Variants in USP32 observed in about 807,000 individuals in gnomAD.
USP32 encodes the protein ubiquitin carboxyl-terminal hydrolase 32.
A neutral mutation model predicts 204.8 loss-of-function variants in USP32; 59 were observed. The observed-to-expected ratio is 0.29, with a 90% confidence interval of 0.23 to 0.36. USP32 has a LOEUF of 0.36. Among genes scored for constraint, USP32 ranks in the 10% least tolerant of loss-of-function variants. The pLI, the probability that USP32 is intolerant of heterozygous loss-of-function variation, is 1.00. For synonymous variants in USP32, 517 were observed against 678.4 expected, an observed-to-expected ratio of 0.76 and a Z score of 3.70; for missense variants, 1,160 against 1,946.4, an observed-to-expected ratio of 0.60 and a Z score of 7.60.
intron 13 of USP32, 100 bp from the exon 14 acceptor site, chr17:60,223,686 T>G: frequency 2.9e-6 from 3 of 1,021,910 alleles, no homozygotes; most frequent in African/African-American, 1.6e-5. Context: ...ATTACTCTGT[T>G]GACATGTCAG....
chr17:60,211,330 A>G, intron 20 of USP32, 46 bp downstream of exon 20: 10 of 1,585,534 alleles, frequency 6.3e-6, no homozygotes, highest in Non-Finnish European at 8.6e-6. Context: ...TATTGGGTTT[A>G]TATCAAAGTC....
At chr17:60,415,973 A>G (rs1434169208) in intron 1 of USP32, among the ~76,000 whole-genome samples, 2 of 151,838 alleles carry the variant, frequency 1.3e-5, no homozygotes, top group Non-Finnish European at 2.9e-5. Context: ...CTGAGTAGCT[A>G]TGACTACAGG....
intron 14 of USP32, among the ~76,000 whole-genome samples, chr17:60,223,033 C>A (rs535070342): frequency 1.3e-5 from 2 of 152,136 alleles, no homozygotes; most frequent in Admixed American, 1.3e-4. Flanking sequence ...TCAAAATAAA[C>A]TATGTAAGAA....
intron 2 of USP32, among the ~76,000 whole-genome samples, chr17:60,333,625 TAAGA>T (rs1378648689): frequency 3.7e-5 from 4 of 107,268 alleles, no homozygotes; most frequent in African/African-American, 1.5e-4. Flanking sequence ...TAAATAAAGG[TAAGA>T]AAGAAAGAAG....
chr17:60,242,404 T>A (rs1257432450), intron 11 of USP32, among the ~76,000 whole-genome samples: 1 of 152,144 alleles, frequency 6.6e-6, no homozygotes, highest in Non-Finnish European at 1.5e-5. Context: ...TGACCAAAAA[T>A]ATAAGGGTTT....
At chr17:60,326,096 CT>C (rs2088227927) in intron 2 of USP32, among the ~76,000 whole-genome samples, 2 of 151,420 alleles carry the variant, frequency 1.3e-5, no homozygotes, top group South Asian at 4.2e-4. Flanking sequence ...AGGATAGGAA[CT>C]CTTGTTTTCA....
intron 2 of USP32, among the ~76,000 whole-genome samples, chr17:60,311,642 G>C (rs2087857046): frequency 6.6e-6 from 1 of 152,150 alleles, no homozygotes; most frequent in Non-Finnish European, 1.5e-5. Flanking sequence ...GGCCAACATG[G>C]TGAAACCCTG....
intron 6 of USP32, among the ~76,000 whole-genome samples, chr17:60,270,823 CAA>C (rs56653936): frequency 6.0e-4 from 38 of 63,520 alleles, no homozygotes; most frequent in Admixed American, 1.1e-3. Context: ...AACTCTGCCT[CAA>C]AAAAAAAAAA....
At position 60,226,164 on chromosome 17, in the gene USP32, G is replaced by C; in HGVS notation, c.1307C>G (p.Ala436Gly). Residue 436 changes from alanine (A) to glycine (G), a missense_variant, in exon 13 of 34, where the codon GCA becomes GGA. Physicochemically the swap from Ala to Gly is moderately conservative, Grantham distance 60. This residue lies in a region of USP32 where 536 missense variants were observed against 680.9 expected (regional missense o/e 0.79). Transcript: ENST00000300896. ...LNGGKYSFGT[A>G]AHPMEQVEDR... ...TTCGACCTGCTCCATAGGATGGGCTGCAGTTCCAAATGAGTATTTTCCTCC... is the reference window on the plus strand; with the variant it reads ...TTCGACCTGCTCCATAGGATGGGCTCCAGTTCCAAATGAGTATTTTCCTCC... The C allele has an allele frequency of 1.2e-6, 2 of 1,601,562 alleles. No homozygotes were observed. The highest frequency in any genetic ancestry group is 1.7e-6 in the Non-Finnish European group (2 of 1,175,592).
At chr17:60,215,892 G>A (rs1343040802) in intron 16 of USP32, among the ~76,000 whole-genome samples, 1 of 152,022 alleles carries the variant, frequency 6.6e-6, no homozygotes, top group Non-Finnish European at 1.5e-5. Context: ...TAGAGACAGG[G>A]TCTCTCTATG....
chr17:60,273,938 G>C (rs930888554), intron 5 of USP32, among the ~76,000 whole-genome samples: 1 of 138,244 alleles, frequency 7.2e-6, no homozygotes, highest in Non-Finnish European at 1.5e-5. Flanking sequence ...CCAGCCTGGG[G>C]GCAACAGAGC....
At chr17:60,289,285 G>A (rs2087207647) in intron 4 of USP32, among the ~76,000 whole-genome samples, 1 of 152,166 alleles carries the variant, frequency 6.6e-6, no homozygotes, top group African/African-American at 2.4e-5. Flanking sequence ...TGGGATTACA[G>A]GCATGAGCCA....
At chr17:60,376,084 C>T (rs563947384) in intron 1 of USP32, among the ~76,000 whole-genome samples, 5 of 152,086 alleles carry the variant, frequency 3.3e-5, no homozygotes, top group South Asian at 4.2e-4. Flanking sequence ...TCACTCCTGT[C>T]GCCCAGGCTG....
intron 2 of USP32, among the ~76,000 whole-genome samples, chr17:60,318,153 TAAATC>T (rs2088028573): frequency 6.6e-6 from 1 of 152,198 alleles, no homozygotes; most frequent in Admixed American, 6.5e-5. Context: ...TTAACAGAAT[TAAATC>T]AAATTCATCT....
intron 11 of USP32, among the ~76,000 whole-genome samples, chr17:60,238,443 G>A (rs891403866): frequency 1.3e-5 from 2 of 151,956 alleles, no homozygotes; most frequent in Admixed American, 1.3e-4. Context: ...TGAGGCAGGC[G>A]AATCGCTTGA....
At chr17:60,183,802 A>G (rs2084176222) in intron 30 of USP32, among the ~76,000 whole-genome samples, 1 of 152,194 alleles carries the variant, frequency 6.6e-6, no homozygotes, top group South Asian at 2.1e-4. Context: ...CTGAAGTTCA[A>G]ATTCACCACA....
chr17:60,347,503 G>A (rs952651436), intron 1 of USP32, among the ~76,000 whole-genome samples: 4 of 151,704 alleles, frequency 2.6e-5, no homozygotes, highest in South Asian at 4.2e-4. Flanking sequence ...ACAGGCGCCC[G>A]CCACCACGCC....
Position 60,271,346 on chromosome 17 carries a change from C to G in USP32, c.703+4G>C, listed in dbSNP as rs187095307. On this transcript the variant is annotated splice_donor_region_variant and intron_variant, in intron 6 of 33. Transcript: ENST00000300896. ...ACATATGTAGAAAATGGAATGATCCCTACCTTCACTTAGAGATGGACGAAT... is the reference window on the plus strand; with the variant it reads ...ACATATGTAGAAAATGGAATGATCCGTACCTTCACTTAGAGATGGACGAAT... 3.1e-6 allele frequency: 5 copies of G among 1,613,696 alleles called. No homozygotes were observed. The African/African-American group carries it at 6.7e-5, about 22-fold the overall frequency.
intron 2 of USP32, among the ~76,000 whole-genome samples, chr17:60,328,877 A>T (rs2088308815): frequency 6.7e-6 from 1 of 149,388 alleles, no homozygotes; most frequent in Non-Finnish European, 1.5e-5. Flanking sequence ...GGCAGCAGCC[A>T]GTGTGTCTTG....
Sources: allele counts gnomAD v4.1 joint callset (sites outside exome capture counted in the v4.1 genomes callset), GRCh38; gene constraint gnomAD v4.1.1; regional missense constraint gnomAD v4.1.1; transcripts MANE v1.5; gene names NCBI Gene and HGNC (gene_info 2026-07-23, HGNC 2026-07-21).